The following COL12A1 variants were observed in gnomAD, a reference collection of about 807,000 sequenced individuals.
COL12A1 encodes collagen type XII alpha 1 chain.
In COL12A1, 114 loss-of-function variants were observed where a neutral mutation model predicts 349.7. That is an observed-to-expected ratio of 0.33 (90% CI 0.28 to 0.38). The LOEUF is 0.38. Ranked by LOEUF, COL12A1 falls within the 10% of genes least tolerant of loss-of-function variation. The probability of loss-of-function intolerance (pLI) is 1.00; values close to 1 mark genes in which losing one functional copy is unlikely to be tolerated. For synonymous variants in COL12A1, 1,369 were observed against 1,329.0 expected, an observed-to-expected ratio of 1.03 and a Z score of -0.66; for missense variants, 3,284 against 3,756.9, an observed-to-expected ratio of 0.87 and a Z score of 3.29.
intron 2 of COL12A1, among the ~76,000 whole-genome samples, chr6:75,200,960 C>T (rs1770497697): frequency 1.3e-5 from 2 of 151,288 alleles, no homozygotes; most frequent in East Asian, 1.9e-4. Flanking sequence ...AAAAAAAGAG[C>T]TGTACCATAT....
At position 75,130,877 on chromosome 6, in the gene COL12A1, A is replaced by T; in HGVS notation, c.6042T>A (p.Asn2014Lys). Residue 2014 changes from asparagine (N) to lysine (K), a missense_variant, in exon 36 of 66, where the codon AAT becomes AAA. This residue lies in a region of COL12A1 where 2,601 missense variants were observed against 2,824.8 expected (regional missense o/e 0.92). Coordinates refer to ENST00000322507, the MANE Select transcript of COL12A1 (RefSeq NM_004370.6). The part of the protein sequence containing the change: ...LVALYSDGEG[N>K]PSPAQGRTLP... ...GCGTTCGGCCCTGGGCAGGGCTGGG[A>T]TTTCCCTCTCCATCCGAGTACAGAG... 1 of 1,614,062 alleles carries T rather than the reference A, an allele frequency of 6.2e-7. No individual in the cohort carries two copies. Among genetic ancestry groups the T allele is most frequent in the Non-Finnish European group, 8.5e-7 (1 of 1,179,982 alleles).
rs540273764 is a variant in COL12A1, at chr6:75,117,249, C to T, written c.7519+133G>A. 948 of 816,234 alleles carry T rather than the reference C, an allele frequency of 1.2e-3. 7 individuals are homozygous for T. In the African/African-American group the frequency reaches 0.014, roughly 12 times the overall value. 50.6% of individuals were successfully genotyped at this position (816,234 alleles called of 1,614,324 possible). A position where few individuals can be genotyped will look rare whatever the true frequency, so the allele number is the denominator to read the frequency against. ...CATGATCGCAATAGGAACAGTGATT[C>T]ATCAGGTTCTCAAGTGATTTCCCAG... On this transcript the variant is annotated intron_variant, in intron 47 of 65. Coordinates refer to ENST00000322507, the MANE Select transcript of COL12A1 (RefSeq NM_004370.6).
intron 5 of COL12A1, among the ~76,000 whole-genome samples, chr6:75,190,037 C>T (rs1479454002): frequency 1.3e-5 from 2 of 151,960 alleles, no homozygotes; most frequent in Admixed American, 6.6e-5. Flanking sequence ...AACTAGATGT[C>T]TTTAAATTGC....
In COL12A1 at chr6:75,181,024, T is replaced by C. The variant is rs368774599; in HGVS notation, c.2079A>G (p.Pro693=). The part of the protein sequence containing the change: ...STSVVLSSLK[P]ETLYLVNVTA... ...TCACATTGACCAAATACAAGGTCTCTGGCTTCAGGCTGCTGAGAACAACAC... is the reference window on the plus strand; with the variant it reads ...TCACATTGACCAAATACAAGGTCTCCGGCTTCAGGCTGCTGAGAACAACAC... Residue 693 remains proline (P), a synonymous_variant, in exon 11 of 66, where the codon CCA becomes CCG. Transcript: ENST00000322507. The C allele has an allele frequency of 7.4e-6, 12 of 1,614,166 alleles. No homozygotes were observed. The highest frequency in any genetic ancestry group is 9.3e-6 in the Non-Finnish European group (11 of 1,180,022).
At chr6:75,088,760 T>C (rs1348509243) in intron 64 of COL12A1, among the ~76,000 whole-genome samples, 1 of 151,822 alleles carries the variant, frequency 6.6e-6, no homozygotes, top group Non-Finnish European at 1.5e-5. Context: ...CCCAGCACTT[T>C]GGGGCCAAAG....
rs1305615324 is a variant in COL12A1, at chr6:75,189,277, C to T, written c.763G>A (p.Asp255Asn). The change falls in exon 7 of 66, where the codon GAT (aspartate) becomes AAT (asparagine). Residue 255 changes from aspartate (D) to asparagine (N), a missense_variant. Asp to Asn is a conservative substitution (Grantham distance 23). This residue lies in a region of COL12A1 where 2,601 missense variants were observed against 2,824.8 expected (regional missense o/e 0.92). Coordinates refer to ENST00000322507, the MANE Select transcript of COL12A1 (RefSeq NM_004370.6). ...AIIITDGKSQ[D>N]EVEIPARELR... ...TCTCTTGCTGGAATTTCCACTTCATCCTGGGATTTTCCATCCGTAATAATA... is the reference window on the plus strand; with the variant it reads ...TCTCTTGCTGGAATTTCCACTTCATTCTGGGATTTTCCATCCGTAATAATA... The T allele has an allele frequency of 3.1e-6, 5 of 1,613,040 alleles. No homozygotes were observed. In the East Asian group the frequency reaches 8.9e-5, roughly 29 times the overall value.
intron 51 of COL12A1, 108 bp downstream of exon 51, chr6:75,113,096 A>T: frequency 1.8e-6 from 1 of 540,646 alleles, no homozygotes; most frequent in Non-Finnish European, 3.0e-6. Context: ...TTTTATTTTT[A>T]AAAGACATAG....
intron 47 of COL12A1, 66 bp downstream of exon 47, chr6:75,117,316 A>C (rs369338731): frequency 2.3e-5 from 35 of 1,517,002 alleles, no homozygotes; most frequent in Non-Finnish European, 3.1e-5. Context: ...AGGATATAGA[A>C]TTGTCTACTA....
At chr6:75,132,540 C>G (rs184350717) in intron 34 of COL12A1, among the ~76,000 whole-genome samples, 136 of 152,228 alleles carry the variant, frequency 8.9e-4, no homozygotes, top group African/African-American at 2.9e-3. Flanking sequence ...AATTGCTACT[C>G]AATAACTTTG....
intron 13 of COL12A1, among the ~76,000 whole-genome samples, chr6:75,172,433 A>G (rs1171899028): frequency 1.3e-5 from 2 of 152,246 alleles, no homozygotes; most frequent in Non-Finnish European, 2.9e-5. Flanking sequence ...CAACCAGAAG[A>G]AAAACTATTA....
chr6:75,168,815 G>C (rs1445694097), intron 13 of COL12A1, among the ~76,000 whole-genome samples: 2 of 152,182 alleles, frequency 1.3e-5, no homozygotes. Flanking sequence ...CTTTCACATA[G>C]AAATGGTGCT....
intron 54 of COL12A1, among the ~76,000 whole-genome samples, chr6:75,104,765 A>C (rs964181942): frequency 4.6e-5 from 7 of 152,148 alleles, no homozygotes; most frequent in Admixed American, 2.6e-4. Flanking sequence ...TACCCTCTCT[A>C]TATGTTATTC....
At chr6:75,099,557 G>T (rs906009783) in intron 58 of COL12A1, among the ~76,000 whole-genome samples, 2 of 152,174 alleles carry the variant, frequency 1.3e-5, no homozygotes, top group Non-Finnish European at 2.9e-5. Flanking sequence ...TTGGAGTGAA[G>T]AAGATTTATT....
intron 14 of COL12A1, among the ~76,000 whole-genome samples, chr6:75,164,341 A>G (rs1768173599): frequency 6.6e-6 from 1 of 152,196 alleles, no homozygotes; most frequent in Non-Finnish European, 1.5e-5. Context: ...TATAGGACTT[A>G]ACTGAAATTG....
chr6:75,138,370 T>C, intron 29 of COL12A1, 30 bp from the exon 30 acceptor site: 5 of 1,610,610 alleles, frequency 3.1e-6, no homozygotes, highest in Non-Finnish European at 4.2e-6. Context: ...GGGAACACAT[T>C]ACTAATATAG....
intron 59 of COL12A1, among the ~76,000 whole-genome samples, chr6:75,096,865 C>A (rs918850076): frequency 3.2e-4 from 46 of 143,660 alleles, no homozygotes; most frequent in Non-Finnish European, 5.7e-4. Flanking sequence ...CACTGCACTC[C>A]AGCCTGGGCG....
rs1277738082 is a variant in COL12A1, at chr6:75,117,461, C to T, written c.7440G>A (p.Val2480=). ...AAGATTCAAAGTCGTCCACAATGAA[C>T]ACGTGCCGTTCACTTGGTTTGCTGG... The part of the protein sequence containing the change: ...NIASKPSERH[V]FIVDDFESFE... Residue 2480 remains valine, a synonymous_variant, in exon 47 of 66, where the codon GTG becomes GTA. Transcript: ENST00000322507. 4 of 1,613,640 alleles carry T rather than the reference C, an allele frequency of 2.5e-6. No individual in the cohort carries two copies. Among genetic ancestry groups the T allele is most frequent in the Admixed American group, 1.7e-5 (1 of 59,978 alleles).
At chr6:75,202,571 G>A in intron 2 of COL12A1, 149 bp downstream of exon 2, 1 of 718,650 alleles carries the variant, frequency 1.4e-6, no homozygotes, top group Non-Finnish European at 2.3e-6. Flanking sequence ...AACCTCAGGA[G>A]AAAGGGGCGT....
chr6:75,089,545 G>A (rs1216899772), intron 63 of COL12A1, among the ~76,000 whole-genome samples: 1 of 152,152 alleles, frequency 6.6e-6, no homozygotes, highest in African/African-American at 2.4e-5. Context: ...CAAACCAGTA[G>A]AATTATAGAA....
Sources: allele counts gnomAD v4.1 joint callset (sites outside exome capture counted in the v4.1 genomes callset), GRCh38; gene constraint gnomAD v4.1.1; regional missense constraint gnomAD v4.1.1; transcripts MANE v1.5; gene names NCBI Gene and HGNC (gene_info 2026-07-23, HGNC 2026-07-21).